The following MEIOSIN variants were observed in gnomAD, a reference collection of about 807,000 sequenced individuals.
MEIOSIN encodes the protein meiosis initiator protein.
A neutral mutation model predicts 23.4 loss-of-function variants in MEIOSIN; 18 were observed. That is an observed-to-expected ratio of 0.77 (90% confidence interval 0.53 to 1.14). MEIOSIN has a LOEUF of 1.14. Ranked by LOEUF, MEIOSIN falls within the 50% of genes most tolerant of loss-of-function variation. The pLI, the probability that MEIOSIN is intolerant of heterozygous loss-of-function variation, is 0.00. For missense variants in MEIOSIN, 428 were observed against 242.9 expected, an observed-to-expected ratio of 1.76 and a Z score of -5.07; for synonymous variants, 187 against 100.6, an observed-to-expected ratio of 1.86 and a Z score of -5.14.
At chr19:45,753,206 A>G (rs969905686) in intron 5 of MEIOSIN, among the ~76,000 whole-genome samples, 1 of 152,038 alleles carries the variant, frequency 6.6e-6, no homozygotes, top group Non-Finnish European at 1.5e-5. Flanking sequence ...GGCCCAAGCT[A>G]GCGCTGTAGA....
At chr19:45,735,135 T>G (rs1198036788) in intron 1 of MEIOSIN, among the ~76,000 whole-genome samples, 1 of 151,836 alleles carries the variant, frequency 6.6e-6, no homozygotes, top group Non-Finnish European at 1.5e-5. Flanking sequence ...CTCGAGTGAT[T>G]TGCCTGCCTC....
At chr19:45,734,380 A>G (rs1275587362) in intron 1 of MEIOSIN, among the ~76,000 whole-genome samples, 1 of 152,320 alleles carries the variant, frequency 6.6e-6, no homozygotes, top group African/African-American at 2.4e-5. Context: ...ATATAGGTTC[A>G]TAGTGTTACA....
At position 45,757,163 on chromosome 19, in the gene MEIOSIN, T is replaced by C; in HGVS notation, c.912-14T>C. On this transcript the variant is annotated splice_polypyrimidine_tract_variant and intron_variant, in intron 8 of 14. Coordinates refer to ENST00000457052, the MANE Select transcript of MEIOSIN (RefSeq NM_001310124.2). ...GAGTCTGTGAGTCTGACTCTGAAACTCCACCTCTTGCAGGCAGAAGCTGGT... is the reference window on the plus strand; with the variant it reads ...GAGTCTGTGAGTCTGACTCTGAAACCCCACCTCTTGCAGGCAGAAGCTGGT... The C allele has an allele frequency of 1.4e-6, 1 of 702,614 alleles. No individual in the cohort carries two copies. The highest frequency in any genetic ancestry group is 1.5e-5 in the South Asian group (1 of 67,536). The allele number at this position is 702,614 out of a possible 1,614,324, so 43.5% of individuals were successfully genotyped here.
intron 4 of MEIOSIN, among the ~76,000 whole-genome samples, chr19:45,747,642 G>A (rs1288765970): frequency 6.6e-6 from 1 of 152,178 alleles, no homozygotes; most frequent in East Asian, 1.9e-4. Flanking sequence ...AGTGCTAAGT[G>A]TCTTAGATAC....
At chr19:45,755,151 T>C (rs1968797399) in intron 7 of MEIOSIN, among the ~76,000 whole-genome samples, 1 of 138,168 alleles carries the variant, frequency 7.2e-6, no homozygotes, top group Non-Finnish European at 1.6e-5. Flanking sequence ...CAGCCTTTTC[T>C]TTTTTTTTTT....
At chr19:45,750,603 C>A (rs1968684596) in intron 4 of MEIOSIN, 72 bp from the exon 5 acceptor site, 2 of 428,406 alleles carry the variant, frequency 4.7e-6, no homozygotes, top group Non-Finnish European at 8.4e-6. Context: ...TCATGATCCG[C>A]CCACCTCGGC....
At chr19:45,761,387 G>C (rs956872537) in intron 11 of MEIOSIN, among the ~76,000 whole-genome samples, 1 of 147,886 alleles carries the variant, frequency 6.8e-6, no homozygotes, top group Non-Finnish European at 1.5e-5. Flanking sequence ...CTCCGAAAGT[G>C]CTGAGATTAC....
intron 5 of MEIOSIN, 105 bp from the exon 6 acceptor site, chr19:45,753,546 G>A (rs1182401590): frequency 5.0e-6 from 3 of 605,640 alleles, no homozygotes; most frequent in Non-Finnish European, 8.9e-6. Flanking sequence ...CAGCCTGGGG[G>A]CCCACCCTGA....
At chr19:45,734,364 C>G (rs1479139796) in intron 1 of MEIOSIN, among the ~76,000 whole-genome samples, 2 of 152,080 alleles carry the variant, frequency 1.3e-5, no homozygotes, top group African/African-American at 4.8e-5. Flanking sequence ...GATTTCTTAT[C>G]TTAGGATATA....
intron 2 of MEIOSIN, among the ~76,000 whole-genome samples, chr19:45,738,573 C>G (rs534946503): frequency 1.3e-5 from 2 of 152,170 alleles, no homozygotes; most frequent in African/African-American, 4.8e-5. Flanking sequence ...GAGCCAAGAT[C>G]GCGCCGCTGC....
chr19:45,747,832 G>GT, intron 4 of MEIOSIN, among the ~76,000 whole-genome samples: 1 of 152,138 alleles, frequency 6.6e-6, no homozygotes, highest in East Asian at 1.9e-4. Flanking sequence ...AGGCACAGTG[G>GT]CTCACACCTG....
In MEIOSIN at chr19:45,762,002, A is replaced by AC; in HGVS notation, c.1503dup (p.Thr502HisfsTer11). ...CGAAGAGGACGAAGACACCACATGGACCCCCACCCGGCTGGCCTCACCCCT... is the reference window on the plus strand; with the variant it reads ...CGAAGAGGACGAAGACACCACATGGACCCCCCACCCGGCTGGCCTCACCCCT... On this transcript the variant is annotated frameshift_variant, in exon 13 of 15. Transcript: ENST00000457052. LOFTEE classifies it high-confidence loss of function. 1 of 507,082 alleles carries AC rather than the reference A, an allele frequency of 2.0e-6. No individual in the cohort carries two copies. The allele number at this position is 507,082 out of a possible 1,614,324, so 31.4% of individuals were successfully genotyped here.
chr19:45,744,321 C>T (rs1340277483), intron 3 of MEIOSIN, among the ~76,000 whole-genome samples: 3 of 151,568 alleles, frequency 2.0e-5, no homozygotes, highest in Non-Finnish European at 2.9e-5. Flanking sequence ...TGCCCGGCCT[C>T]CTTTTACAAG....
At chr19:45,746,104 G>C (rs1256388712) in intron 4 of MEIOSIN, among the ~76,000 whole-genome samples, 2 of 152,144 alleles carry the variant, frequency 1.3e-5, no homozygotes, top group Non-Finnish European at 2.9e-5. Context: ...GAGTAGCTGA[G>C]ACTACAGGCT....
rs761025689 is a variant in MEIOSIN, at chr19:45,753,783, C to G, written c.551C>G (p.Ala184Gly). Reference protein sequence around the residue: ...QKPRKKKLTQASESQTRTPKP... With the variant: ...QKPRKKKLTQGSESQTRTPKP... ...CCTCGGAAGAAGAAGCTGACCCAGG[C>G]ATCAGGTACAAGCTGTCACTGGAGG... Residue 184 changes from alanine (A) to glycine (G), a missense_variant, in exon 6 of 15, where the codon GCA becomes GGA. Transcript: ENST00000457052. The G allele has an allele frequency of 1.4e-6, 1 of 702,076 alleles. No individual in the cohort carries two copies. The highest frequency in any genetic ancestry group is 1.5e-5 in the South Asian group (1 of 67,488). The allele number at this position is 702,076 out of a possible 1,614,324, so 43.5% of individuals were successfully genotyped here. A position where few individuals can be genotyped will look rare whatever the true frequency, so the allele number is the denominator to read the frequency against.
At chr19:45,746,256 T>A (rs1275692317) in intron 4 of MEIOSIN, among the ~76,000 whole-genome samples, 1 of 152,186 alleles carries the variant, frequency 6.6e-6, no homozygotes, top group Non-Finnish European at 1.5e-5. Flanking sequence ...CATAAGCCAC[T>A]GCACCCAGCC....
intron 4 of MEIOSIN, among the ~76,000 whole-genome samples, chr19:45,750,418 G>T (rs1390358425): frequency 1.3e-5 from 2 of 148,684 alleles, no homozygotes; most frequent in Non-Finnish European, 3.0e-5. Flanking sequence ...GGAGTGCAAC[G>T]GCGTGATCTT....
chr19:45,742,092 T>C (rs1600377199), intron 3 of MEIOSIN, among the ~76,000 whole-genome samples: 1 of 152,062 alleles, frequency 6.6e-6, no homozygotes, highest in African/African-American at 2.4e-5. Context: ...ATCAGGCTGG[T>C]CTTGAACTCC....
At chr19:45,745,045 T>C (rs1249813663) in intron 3 of MEIOSIN, 147 bp from the exon 4 acceptor site, 1 of 631,306 alleles carries the variant, frequency 1.6e-6, no homozygotes, top group Non-Finnish European at 2.8e-6. Flanking sequence ...AAGTAACAAG[T>C]ACGGGTGATG....
Sources: gnomAD v4.1 joint callset for allele counts (sites outside exome capture counted in the v4.1 genomes callset) on GRCh38, gnomAD v4.1.1 for gene constraint, MANE v1.5 for transcripts, NCBI Gene and HGNC (gene_info 2026-07-23, HGNC 2026-07-21) for gene names.